The following CATSPERD variants were observed in gnomAD, a reference collection of about 807,000 sequenced individuals.
The protein encoded by CATSPERD is catsper channel auxiliary subunit delta.
CATSPERD carries 86 observed loss-of-function variants against 98.1 expected under a neutral mutation model. The observed-to-expected ratio is 0.88, with a 90% CI of 0.74 to 1.05. The LOEUF is 1.05. Among genes scored for constraint, CATSPERD ranks in the 50% least tolerant of loss-of-function variants. The pLI, the probability that CATSPERD is intolerant of heterozygous loss-of-function variation, is 0.00. For missense variants in CATSPERD, 995 were observed against 1,005.7 expected, an observed-to-expected ratio of 0.99 and a Z score of 0.14; for synonymous variants, 394 against 390.2, an observed-to-expected ratio of 1.01 and a Z score of -0.12.
rs556651366 is a variant in CATSPERD at position 5,776,197 on chromosome 19, C to T, written c.1978C>T (p.Pro660Ser). ...VSCHDPNNNA[P>S]LRWPDVQYQI... is the part of the protein sequence containing the mutation. ...CTGCCACGACCCCAACAACAATGCCCCTTTGAGGTGGCCAGACGTCCAGTA... is the reference window on the plus strand; with the variant it reads ...CTGCCACGACCCCAACAACAATGCCTCTTTGAGGTGGCCAGACGTCCAGTA... The change falls in exon 21 of 22, where the codon CCT (proline) becomes TCT (serine). Residue 660 changes from proline (P) to serine (S), a missense_variant. Transcript: ENST00000381624. 1.2e-6 allele frequency: 2 copies of T among 1,614,234 alleles called. No homozygotes were observed. Among genetic ancestry groups the T allele is most frequent in the African/African-American group, 2.7e-5 (2 of 75,070 alleles).
intron 11 of CATSPERD, among the ~76,000 whole-genome samples, chr19:5,751,199 A>G (rs1434293314): frequency 3.6e-4 from 1 of 2,802 alleles, no homozygotes; most frequent in Non-Finnish European, 8.1e-4. Flanking sequence ...TTCCGTCTCA[A>G]AAAAAAAAAA....
chr19:5,747,009 A>AT (rs984134839), intron 9 of CATSPERD, among the ~76,000 whole-genome samples: 2 of 150,572 alleles, frequency 1.3e-5, no homozygotes, highest in South Asian at 4.2e-4. Flanking sequence ...TGCCTGGCTG[A>AT]TTTTTTTGTA....
intron 17 of CATSPERD, among the ~76,000 whole-genome samples, chr19:5,766,839 C>T (rs2056546902): frequency 6.6e-6 from 1 of 151,458 alleles, no homozygotes; most frequent in African/African-American, 2.4e-5. Flanking sequence ...ATTACAGGCG[C>T]CCGCTACCAT....
intron 6 of CATSPERD, 47 bp from the exon 7 acceptor site, chr19:5,739,279 T>C (rs1371901175): frequency 1.9e-6 from 2 of 1,063,850 alleles, no homozygotes; most frequent in Non-Finnish European, 2.8e-6. Flanking sequence ...AGGAACGTAC[T>C]TGCTGGCATC....
chr19:5,765,797 G>C (rs934036281), intron 16 of CATSPERD, among the ~76,000 whole-genome samples: 2 of 152,042 alleles, frequency 1.3e-5, no homozygotes, highest in Non-Finnish European at 2.9e-5. Context: ...GGGTGACAGA[G>C]CAAAAACTCT....
Position 5,720,757 on chromosome 19 carries a change from TGGC to T in CATSPERD, c.24_26del (p.Ala9del). 1.2e-6 allele frequency: 2 copies of T among 1,605,540 alleles called. No individual in the cohort carries two copies. Among genetic ancestry groups the T allele is most frequent in the South Asian group, 2.2e-5 (2 of 90,978 alleles). On this transcript the variant is annotated inframe_deletion, in exon 1 of 22. Coordinates refer to ENST00000381624, the MANE Select transcript of CATSPERD (RefSeq NM_152784.4). ...AAGTCGATGCTGATGTTGATGCTGG[TGGC>T]GGCTGTGACCATGTGGCTCCGACCG...
intron 16 of CATSPERD, among the ~76,000 whole-genome samples, 192 bp from the exon 17 acceptor site, chr19:5,765,911 G>C (rs2056529440): frequency 6.6e-6 from 1 of 152,062 alleles, no homozygotes; most frequent in Admixed American, 6.6e-5. Context: ...CATACCCCAG[G>C]CTCTCAGAGC....
chr19:5,727,678 G>A (rs1039729825), intron 3 of CATSPERD, among the ~76,000 whole-genome samples: 1 of 152,122 alleles, frequency 6.6e-6, no homozygotes, highest in Non-Finnish European at 1.5e-5. Flanking sequence ...GAGTTCACTG[G>A]GATGGTGGGA....
At chr19:5,752,992 C>A (rs1033612247) in intron 12 of CATSPERD, among the ~76,000 whole-genome samples, 23 of 149,962 alleles carry the variant, frequency 1.5e-4, no homozygotes, top group Admixed American at 6.7e-4. Flanking sequence ...CAAGCCACTG[C>A]ACTCCAGCCT....
At chr19:5,720,903 G>T (rs2055448596) in intron 1 of CATSPERD, 95 bp downstream of exon 1, 1 of 971,730 alleles carries the variant, frequency 1.0e-6, no homozygotes, top group South Asian at 1.6e-5. Context: ...CAACCTCACT[G>T]AGGCTCCCCT....
chr19:5,761,655 A>AAG (rs142797931), intron 15 of CATSPERD, among the ~76,000 whole-genome samples: 7 of 12,922 alleles, frequency 5.4e-4, no homozygotes, highest in South Asian at 2.3e-3. Flanking sequence ...ATGGCGGCAG[A>AAG]AGAGAGAGAG....
rs1199910553 is a variant in CATSPERD, at chr19:5,757,767, G to A, written c.1279-76G>A. On this transcript the variant is annotated intron_variant, in intron 13 of 21. Transcript: ENST00000381624. ...TGATTTTTCATTTGAAGGTGTGCTGGGCTCACTGTGGGGGTTTGTCACCCC... is the reference window on the plus strand; with the variant it reads ...TGATTTTTCATTTGAAGGTGTGCTGAGCTCACTGTGGGGGTTTGTCACCCC... 19 of 1,081,622 alleles carry A rather than the reference G, an allele frequency of 1.8e-5. No homozygotes were observed. In the East Asian group the frequency reaches 4.3e-4, roughly 25 times the overall value. 67.0% of individuals were successfully genotyped at this position (1,081,622 alleles called of 1,614,324 possible). A position where few individuals can be genotyped will look rare whatever the true frequency, so the allele number is the denominator to read the frequency against.
At chr19:5,754,086 T>A (rs1309761017) in intron 12 of CATSPERD, 46 bp from the exon 13 acceptor site, 2 of 1,351,226 alleles carry the variant, frequency 1.5e-6, no homozygotes, top group Admixed American at 3.4e-5. Flanking sequence ...CCTTTCTTTA[T>A]GGGAACAGGA....
At chr19:5,775,326 G>C (rs1026466) in intron 20 of CATSPERD, 60,341 of 469,164 alleles carry the variant, frequency 0.13, 4,432 homozygotes, top group Middle Eastern at 0.22. Context: ...CCACAGACCT[G>C]CGTATTTATT....
At chr19:5,732,361 C>A (rs1456766224) in intron 4 of CATSPERD, among the ~76,000 whole-genome samples, 1 of 152,082 alleles carries the variant, frequency 6.6e-6, no homozygotes, top group Non-Finnish European at 1.5e-5. Context: ...TTCTAGCTGG[C>A]CCCAAGATAC....
intron 7 of CATSPERD, among the ~76,000 whole-genome samples, chr19:5,741,861 C>G (rs1489508699): frequency 1.4e-5 from 2 of 141,960 alleles, no homozygotes; most frequent in Admixed American, 7.5e-5. Flanking sequence ...GAAACCCCGT[C>G]TCTACTGAAA....
chr19:5,756,727 C>T (rs1328192235), intron 13 of CATSPERD, among the ~76,000 whole-genome samples: 1 of 151,368 alleles, frequency 6.6e-6, no homozygotes, highest in Non-Finnish European at 1.5e-5. Flanking sequence ...GGGGGATTGC[C>T]TAAGCTCGGG....
intron 7 of CATSPERD, among the ~76,000 whole-genome samples, chr19:5,740,966 T>A (rs1178212315): frequency 2.1e-5 from 3 of 141,632 alleles, no homozygotes; most frequent in Non-Finnish European, 4.7e-5. Flanking sequence ...ATGCCTGTAG[T>A]CTCAGCTACT....
chr19:5,753,812 G>A, intron 12 of CATSPERD: 1 of 290,686 alleles, frequency 3.4e-6, no homozygotes, highest in East Asian at 7.6e-5. Flanking sequence ...GGTCAAGGCT[G>A]CAGTGAGCCA....
Sources: allele counts gnomAD v4.1 joint callset (sites outside exome capture counted in the v4.1 genomes callset), GRCh38; gene constraint gnomAD v4.1.1; transcripts MANE v1.5; gene names NCBI Gene and HGNC (gene_info 2026-07-23, HGNC 2026-07-21).